ADK: variants seen among roughly 807,000 people sequenced by gnomAD.
ADK encodes the protein adenosine kinase.
Under a neutral mutation model 44.7 loss-of-function variants are expected in ADK, and 24 were observed. The ratio of observed to expected loss-of-function variants is 0.54; its 90% CI spans 0.39 to 0.76. The LOEUF (loss-of-function observed/expected upper bound fraction) is 0.76. Ranked by LOEUF, ADK falls within the 30% of genes least tolerant of loss-of-function variation. The pLI is 0.00. For missense variants in ADK, 321 were observed against 425.1 expected (o/e 0.76, Z 2.15); for synonymous variants, 128 against 142.6 (o/e 0.90, Z 0.73).
intron 6 of ADK, among the ~76,000 whole-genome samples, chr10:74,456,131 G>A (rs557617634): frequency 3.6e-4 from 54 of 152,050 alleles, no homozygotes; most frequent in African/African-American, 1.2e-3. Flanking sequence ...ACAGATCAAC[G>A]AGACAGAAAA....
intron 6 of ADK, among the ~76,000 whole-genome samples, chr10:74,476,666 C>T (rs1846859450): frequency 6.6e-6 from 1 of 152,130 alleles, no homozygotes; most frequent in African/African-American, 2.4e-5. Flanking sequence ...TTATTTCATA[C>T]ATATTTAATA....
chr10:74,322,107 C>G lies in ADK; in HGVS notation c.273+7362C>G, dbSNP rs1051164225. 3.3e-5 allele frequency among the ~76,000 whole-genome samples: 5 copies of G among 152,186 alleles called. No homozygotes were observed. In the East Asian group the frequency reaches 7.7e-4, roughly 23 times the overall value. ...TAAAGTTTTTCTGTATTAAAAAAAT[C>G]TGATTATCTCTTGTGACCTATTTTA... On this transcript the variant is annotated intron_variant, in intron 4 of 10. Coordinates refer to ENST00000539909, the MANE Select transcript of ADK (RefSeq NM_006721.4).
intron 6 of ADK, among the ~76,000 whole-genome samples, chr10:74,464,225 G>T (rs186141396): frequency 1.3e-5 from 2 of 152,110 alleles, no homozygotes; most frequent in Admixed American, 1.3e-4. Context: ...TCTTTGTAAG[G>T]ATATCATGTG....
chr10:74,598,440 CCTTTTTTTT>C (rs1473663218), intron 8 of ADK, among the ~76,000 whole-genome samples: 30 of 114,066 alleles, frequency 2.6e-4, no homozygotes, highest in African/African-American at 1.2e-3. Context: ...GAATCTTATT[CCTTTTTTTT>C]TTTTTTTTTT....
At chr10:74,275,354 G>C (rs1021499916) in intron 3 of ADK, among the ~76,000 whole-genome samples, 1 of 152,090 alleles carries the variant, frequency 6.6e-6, no homozygotes, top group African/African-American at 2.4e-5. Flanking sequence ...TTGTGAGGCA[G>C]CTTCTAAGGC....
At chr10:74,285,136 A>G (rs985646750) in intron 3 of ADK, among the ~76,000 whole-genome samples, 8 of 152,232 alleles carry the variant, frequency 5.3e-5, no homozygotes, top group African/African-American at 1.9e-4. Context: ...ATAGTAATTC[A>G]TTAGGCAAGT....
At chr10:74,162,057 G>A (rs1841914554) in intron 1 of ADK, among the ~76,000 whole-genome samples, 1 of 152,058 alleles carries the variant, frequency 6.6e-6, no homozygotes, top group South Asian at 2.1e-4. Flanking sequence ...TTTCACTCTT[G>A]TTGACCAGGC....
chr10:74,432,441 G>A (rs1312460736), intron 6 of ADK, among the ~76,000 whole-genome samples: 2 of 152,252 alleles, frequency 1.3e-5, no homozygotes, highest in African/African-American at 4.8e-5. Flanking sequence ...AATGGTGATA[G>A]TATTTTTTTC....
intron 3 of ADK, among the ~76,000 whole-genome samples, chr10:74,286,789 G>A (rs750769268): frequency 2.6e-5 from 4 of 152,130 alleles, no homozygotes; most frequent in African/African-American, 7.2e-5. Context: ...CAAATGATTC[G>A]CATGTATTAT....
At chr10:74,375,367 A>G (rs1415169148) in intron 4 of ADK, among the ~76,000 whole-genome samples, 1 of 152,146 alleles carries the variant, frequency 6.6e-6, no homozygotes, top group Non-Finnish European at 1.5e-5. Context: ...TTCTTTGGTT[A>G]CTGTGCTAGA....
chr10:74,652,199 G>A (rs894328288), intron 9 of ADK, among the ~76,000 whole-genome samples: 9 of 151,284 alleles, frequency 5.9e-5, no homozygotes, highest in Admixed American at 1.3e-4. Context: ...CCACCACCAC[G>A]CCCAACTAAT....
At chr10:74,370,079 G>T (rs1842612154) in intron 4 of ADK, among the ~76,000 whole-genome samples, 1 of 152,078 alleles carries the variant, frequency 6.6e-6, no homozygotes. Flanking sequence ...AAAAGATCTG[G>T]AAGACCTTTA....
In ADK at chr10:74,317,783, T is replaced by C. The variant is rs1225390315; in HGVS notation, c.273+3038T>C. Among the ~76,000 whole-genome samples the C allele has an allele frequency of 2.0e-5, 3 of 152,076 alleles. No homozygotes were observed. In the East Asian group the frequency reaches 5.8e-4, roughly 29 times the overall value. Reference sequence around the variant, plus strand: ...ATTTTTATGCTGTTTCTGGTTTTTTTGTTTGTTTGTTTGTTTCAAGACGGA... The same window carrying C: ...ATTTTTATGCTGTTTCTGGTTTTTTCGTTTGTTTGTTTGTTTCAAGACGGA... On this transcript the variant is annotated intron_variant, in intron 4 of 10. Transcript: ENST00000539909.
chr10:74,299,888 C>T (rs1349580224), intron 3 of ADK, among the ~76,000 whole-genome samples: 1 of 152,110 alleles, frequency 6.6e-6, no homozygotes, highest in Non-Finnish European at 1.5e-5. Context: ...CCTGACCACC[C>T]ATCAGTTTGA....
intron 3 of ADK, among the ~76,000 whole-genome samples, chr10:74,297,948 A>G (rs1334803530): frequency 1.3e-5 from 2 of 152,166 alleles, no homozygotes; most frequent in African/African-American, 4.8e-5. Context: ...CAGTGTTTCA[A>G]GTGCCATATG....
chr10:74,594,187 G>T (rs190109649), intron 8 of ADK, among the ~76,000 whole-genome samples: 1 of 151,916 alleles, frequency 6.6e-6, no homozygotes, highest in Non-Finnish European at 1.5e-5. Flanking sequence ...GGCCTGTTGT[G>T]GGGTGGGGGG....
chr10:74,489,797 T>G (rs930327573), intron 6 of ADK, among the ~76,000 whole-genome samples: 1 of 151,968 alleles, frequency 6.6e-6, no homozygotes, highest in African/African-American at 2.4e-5. Flanking sequence ...TAAAATAGAA[T>G]GCACAGATTT....
At position 74,314,123 on chromosome 10, in the gene ADK, G is replaced by A. The variant is rs183348348; in HGVS notation, c.195-544G>A. ...TTATACATAAAACATATTTTTTGAC[G>A]TTTAGTAAGATGTGGAAGAGGAAAT... On this transcript the variant is annotated intron_variant, in intron 3 of 10. Coordinates refer to ENST00000539909, the MANE Select transcript of ADK (RefSeq NM_006721.4). 2.7e-3 allele frequency among the ~76,000 whole-genome samples: 410 copies of A among 151,986 alleles called. 1 individual carries two copies. Among genetic ancestry groups the A allele is most frequent in the South Asian group, 0.014 (69 of 4,820 alleles).
At chr10:74,251,374 A>G (rs961137600) in intron 3 of ADK, among the ~76,000 whole-genome samples, 2 of 152,206 alleles carry the variant, frequency 1.3e-5, no homozygotes, top group African/African-American at 4.8e-5. Context: ...TATTGGAGGT[A>G]GAATCAATAA....
Sources: allele counts gnomAD v4.1 joint callset (sites outside exome capture counted in the v4.1 genomes callset), GRCh38; gene constraint gnomAD v4.1.1; transcripts MANE v1.5; gene names NCBI Gene and HGNC (gene_info 2026-07-23, HGNC 2026-07-21).